Variants in PLEKHM3 observed in about 807,000 individuals in gnomAD.
The protein encoded by PLEKHM3 is pleckstrin homology domain-containing family M member 3.
Under a neutral mutation model 81.8 loss-of-function variants are expected in PLEKHM3, and 45 were observed. That is an observed-to-expected ratio of 0.55 (90% CI 0.43 to 0.71). The LOEUF (loss-of-function observed/expected upper bound fraction) is 0.71, where lower values mean the gene tolerates loss of function less well. Among genes scored for constraint, PLEKHM3 ranks in the 30% least tolerant of loss-of-function variants. The pLI is 0.00. For missense variants in PLEKHM3, 788 were observed against 924.3 expected (o/e 0.85, Z 1.91); for synonymous variants, 352 against 356.4 (o/e 0.99, Z 0.14).
At chr2:207,970,220 GGAGAGGA>G (rs1691066469) in intron 3 of PLEKHM3, among the ~76,000 whole-genome samples, 1 of 151,736 alleles carries the variant, frequency 6.6e-6, no homozygotes. Context: ...AGGAGAGAGA[GGAGAGGA>G]AAGAGGAGGT....
rs115040463 is a variant in PLEKHM3, at chr2:207,865,378, C to T, written c.1951-4116G>A. Among the ~76,000 whole-genome samples, 1,121 of 152,236 alleles carry T rather than the reference C, an allele frequency of 7.4e-3. 15 individuals are homozygous for T. The highest frequency in any genetic ancestry group is 0.025 in the African/African-American group (1,020 of 41,524). ...TATTCAGAGTTGTGAAACATCACCA[C>T]AATCGATTTTAGGGCATTCCACTAA... On this transcript the variant is annotated intron_variant, in intron 6 of 7. Transcript: ENST00000427836.
At chr2:207,852,774 A>G (rs1252306003) in intron 7 of PLEKHM3, 1 of 442,774 alleles carries the variant, frequency 2.3e-6, no homozygotes, top group East Asian at 7.0e-5. Flanking sequence ...GATCAATGAA[A>G]ACCCAAACCT....
chr2:207,837,632 C>CTTCT (rs1553542416), intron 7 of PLEKHM3, among the ~76,000 whole-genome samples: 1 of 106,006 alleles, frequency 9.4e-6, no homozygotes, highest in African/African-American at 3.7e-5. Flanking sequence ...ATAGTTCTCC[C>CTTCT]TTTTTTTTTT....
In PLEKHM3 at chr2:207,976,893, C is replaced by T. The variant is rs752916988; in HGVS notation, c.1304G>A (p.Arg435His). The T allele has an allele frequency of 4.3e-6, 7 of 1,614,186 alleles. No individual in the cohort carries two copies. The highest frequency in any genetic ancestry group is 2.2e-5 in the South Asian group (2 of 91,080). ...FQVIFPQDVL[R>H]LRAETRQRAQ... is the part of the protein sequence containing the mutation. ...CCTCTGTCGGGTCTCAGCTCGGAGG[C>T]GAAGGACATCCTGGGGGAAAATGAC... The change falls in exon 3 of 8, where the codon CGC (arginine) becomes CAC (histidine). Residue 435 changes from arginine (R) to histidine (H), a missense_variant. Coordinates refer to ENST00000427836, the MANE Select transcript of PLEKHM3 (RefSeq NM_001080475.3). This position sits in a 1 kb window ranked among gnomAD's most constrained non-coding sequence, Gnocchi z 4.1.
At chr2:207,961,800 CCCTT>C (rs1690744230) in intron 3 of PLEKHM3, among the ~76,000 whole-genome samples, 1 of 152,152 alleles carries the variant, frequency 6.6e-6, no homozygotes, top group Non-Finnish European at 1.5e-5. Flanking sequence ...CCAGAAATCT[CCCTT>C]CCCCAGGTGG....
intron 1 of PLEKHM3, among the ~76,000 whole-genome samples, chr2:208,002,943 G>A (rs923419491): frequency 2.0e-5 from 3 of 151,452 alleles, no homozygotes; most frequent in Non-Finnish European, 2.9e-5. Context: ...ACTAGGCAAG[G>A]GCTTTTTTAA....
chr2:207,956,257 G>A (rs1268174900), intron 3 of PLEKHM3, among the ~76,000 whole-genome samples: 2 of 152,074 alleles, frequency 1.3e-5, no homozygotes, highest in African/African-American at 4.8e-5. Flanking sequence ...ACGAGGTCAG[G>A]AGTTTGAGAC....
At chr2:207,841,508 T>TATATA (rs1559203259) in intron 7 of PLEKHM3, among the ~76,000 whole-genome samples, 5 of 125,516 alleles carry the variant, frequency 4.0e-5, no homozygotes, top group Admixed American at 8.8e-5. Flanking sequence ...TATATATATA[T>TATATA]TCACCACCAT....
chr2:207,965,925 T>C (rs1420969738), intron 3 of PLEKHM3, among the ~76,000 whole-genome samples: 3 of 152,220 alleles, frequency 2.0e-5, no homozygotes, highest in Non-Finnish European at 4.4e-5. Context: ...CACATTAATC[T>C]CATTTTCTCT....
intron 5 of PLEKHM3, among the ~76,000 whole-genome samples, chr2:207,914,541 G>GGGT (rs1688920420): frequency 6.6e-6 from 1 of 151,598 alleles, no homozygotes; most frequent in Non-Finnish European, 1.5e-5. Context: ...AATTAGCTGG[G>GGGT]GGTGGTGGTG....
intron 1 of PLEKHM3, among the ~76,000 whole-genome samples, chr2:208,007,334 A>C (rs1692526860): frequency 6.6e-6 from 1 of 152,196 alleles, no homozygotes; most frequent in African/African-American, 2.4e-5. Flanking sequence ...TGAAGGACAC[A>C]CCACAAGAGG....
chr2:208,016,694 C>CACACACACACACACACAA (rs1322014249), intron 1 of PLEKHM3, among the ~76,000 whole-genome samples: 2 of 149,836 alleles, frequency 1.3e-5, no homozygotes, highest in Non-Finnish European at 3.0e-5. Flanking sequence ...CACACACACA[C>CACACACACACACACACAA]ACCCTGGTTT....
At chr2:207,873,044 A>AT in intron 6 of PLEKHM3, among the ~76,000 whole-genome samples, 1 of 152,220 alleles carries the variant, frequency 6.6e-6, no homozygotes, top group South Asian at 2.1e-4. Context: ...GGAATGAACC[A>AT]TAAGAGTTAG....
chr2:207,946,241 G>A (rs1156615750), intron 4 of PLEKHM3, 126 bp downstream of exon 4: 3 of 1,082,068 alleles, frequency 2.8e-6, no homozygotes, highest in Non-Finnish European at 3.9e-6. Context: ...GTAAGGTCTT[G>A]CAGCTTTTAT....
chr2:207,956,053 C>G (rs1248178356), intron 3 of PLEKHM3, among the ~76,000 whole-genome samples: 1 of 152,018 alleles, frequency 6.6e-6, no homozygotes, highest in Non-Finnish European at 1.5e-5. Context: ...CATAAAGGCT[C>G]AAGTCAGAAA....
At position 207,898,851 on chromosome 2, in the gene PLEKHM3, A is replaced by G. The variant is rs899175914; in HGVS notation, c.1950+9663T>C. On this transcript the variant is annotated intron_variant, in intron 6 of 7. Coordinates refer to ENST00000427836, the MANE Select transcript of PLEKHM3 (RefSeq NM_001080475.3). ...GTCAAAGCTGCAGCCAGCCATGATCATGCCCCTGCACTCCAGCCTGGCCAG... is the reference window on the plus strand; with the variant it reads ...GTCAAAGCTGCAGCCAGCCATGATCGTGCCCCTGCACTCCAGCCTGGCCAG... Among the ~76,000 whole-genome samples the G allele has an allele frequency of 8.3e-4, 127 of 152,244 alleles. 1 individual carries two copies. Among genetic ancestry groups the G allele is most frequent in the Middle Eastern group, 6.8e-3 (2 of 294 alleles).
At chr2:207,845,363 GTC>G (rs1284466366) in intron 7 of PLEKHM3, among the ~76,000 whole-genome samples, 1 of 152,188 alleles carries the variant, frequency 6.6e-6, no homozygotes, top group East Asian at 1.9e-4. Flanking sequence ...AGTCTGAAAA[GTC>G]AACACATTTT....
chr2:207,836,642 A>C (rs2105884623), intron 7 of PLEKHM3, among the ~76,000 whole-genome samples: 1 of 152,340 alleles, frequency 6.6e-6, no homozygotes, highest in Admixed American at 6.5e-5. Flanking sequence ...GACCAATTAG[A>C]GACAGGCCCA....
rs182714311 is a variant in PLEKHM3, at chr2:207,883,037, C to T, written c.1951-21775G>A. Among the ~76,000 whole-genome samples, 275 of 152,188 alleles carry T rather than the reference C, an allele frequency of 1.8e-3. 1 individual carries two copies. The highest frequency in any genetic ancestry group is 6.1e-3 in the African/African-American group (255 of 41,520). ...TGCTGGGATTACAGGCATGAGCTAC[C>T]GCGCCTGGCTGAACTACACATACTC... On this transcript the variant is annotated intron_variant, in intron 6 of 7. Coordinates refer to ENST00000427836, the MANE Select transcript of PLEKHM3 (RefSeq NM_001080475.3).
Sources: gnomAD v4.1 joint callset for allele counts (sites outside exome capture counted in the v4.1 genomes callset) on GRCh38, gnomAD v4.1.1 for gene constraint, Gnocchi (gnomAD v3.1) non-coding constraint, MANE v1.5 for transcripts, NCBI Gene and HGNC (gene_info 2026-07-23, HGNC 2026-07-21) for gene names.